Variants in SPIDR observed in about 807,000 individuals in gnomAD.
SPIDR encodes DNA repair-scaffolding protein.
SPIDR carries 93 observed loss-of-function variants against 104.6 expected under a neutral mutation model. The observed-to-expected ratio is 0.89, with a 90% confidence interval of 0.75 to 1.06. SPIDR has a LOEUF of 1.06. SPIDR is among the 50% of genes least tolerant of loss of function. The probability of loss-of-function intolerance (pLI) is 0.00; values close to 1 mark genes in which losing one functional copy is unlikely to be tolerated. For synonymous variants in SPIDR, 431 were observed against 416.9 expected (o/e 1.03, Z -0.41); for missense variants, 1,154 against 1,111.2 (o/e 1.04, Z -0.55).
intron 8 of SPIDR, among the ~76,000 whole-genome samples, chr8:47,485,954 T>G (rs1276699698): frequency 6.6e-6 from 1 of 152,150 alleles, no homozygotes; most frequent in African/African-American, 2.4e-5. Flanking sequence ...TGTCCCCCTC[T>G]AAAGGAATGC....
chr8:47,306,769 G>A (rs1396225658), intron 5 of SPIDR, among the ~76,000 whole-genome samples: 1 of 152,004 alleles, frequency 6.6e-6, no homozygotes, highest in African/African-American at 2.4e-5. Context: ...TATTTTTGAG[G>A]TCTTTTAATT....
Position 47,303,159 on chromosome 8 carries a change from G to C in SPIDR, c.525+9129G>C, listed in dbSNP as rs1025478502. Reference sequence around the variant, plus strand: ...CTTGGCAATGGTGGCTGCCCCTCCCGCAGCCTGGCTGCTGCCTTGCAGTTT... The same window carrying C: ...CTTGGCAATGGTGGCTGCCCCTCCCCCAGCCTGGCTGCTGCCTTGCAGTTT... On this transcript the variant is annotated intron_variant, in intron 5 of 19. Transcript: ENST00000297423. Among the ~76,000 whole-genome samples, 8 of 152,284 alleles carry C rather than the reference G, an allele frequency of 5.3e-5. No homozygotes were observed. The East Asian group carries it at 1.2e-3, about 22-fold the overall frequency.
At position 47,547,700 on chromosome 8, in the gene SPIDR, G is replaced by C. The variant is rs560792936; in HGVS notation, c.1098-48111G>C. The C allele has an allele frequency of 1.0e-3, 166 of 161,066 alleles. 3 individuals carry two copies. The highest frequency in any genetic ancestry group is 1.7e-3 in the African/African-American group (70 of 41,594). The allele number at this position is 161,066 out of a possible 1,614,324, so 10.0% of individuals were successfully genotyped here. On this transcript the variant is annotated intron_variant, in intron 8 of 19. Transcript: ENST00000297423. ...CCCGCCTCAGCCTCCCAAAGTACTGGGATTACAGGCATGAGCTGCCACGGT... is the reference window on the plus strand; with the variant it reads ...CCCGCCTCAGCCTCCCAAAGTACTGCGATTACAGGCATGAGCTGCCACGGT...
chr8:47,567,780 C>CTTTTTTTTTTTTTT (rs35199139), intron 8 of SPIDR, among the ~76,000 whole-genome samples: 2 of 71,000 alleles, frequency 2.8e-5, no homozygotes, highest in African/African-American at 5.9e-5. Context: ...TTTTCTTTTT[C>CTTTTTTTTTTTTTT]TTTTTTTTTT....
At chr8:47,513,457 A>G (rs1196582027) in intron 8 of SPIDR, among the ~76,000 whole-genome samples, 2 of 152,362 alleles carry the variant, frequency 1.3e-5, no homozygotes, top group African/African-American at 4.8e-5. Context: ...TAAAAAAACA[A>G]CTTGATGTCT....
At chr8:47,722,259 G>A (rs72646387) in intron 16 of SPIDR, among the ~76,000 whole-genome samples, 4 of 152,274 alleles carry the variant, frequency 2.6e-5, no homozygotes, top group Non-Finnish European at 5.9e-5. Flanking sequence ...AGTAGTTCCA[G>A]TGGTCTTTTG....
At chr8:47,323,607 A>G (rs1170171136) in intron 5 of SPIDR, among the ~76,000 whole-genome samples, 1 of 152,036 alleles carries the variant, frequency 6.6e-6, no homozygotes, top group Non-Finnish European at 1.5e-5. Flanking sequence ...TTTTTTTTAG[A>G]TCCAATTGGT....
intron 10 of SPIDR, among the ~76,000 whole-genome samples, chr8:47,655,780 T>G (rs889247824): frequency 1.3e-5 from 2 of 152,220 alleles, no homozygotes; most frequent in South Asian, 2.1e-4. Flanking sequence ...TTTTGGTGTT[T>G]TAGACATGAA....
intron 8 of SPIDR, among the ~76,000 whole-genome samples, chr8:47,486,080 A>T (rs1363646414): frequency 6.6e-6 from 1 of 152,234 alleles, no homozygotes; most frequent in East Asian, 1.9e-4. Context: ...GTTTGAACCC[A>T]TCGCAAAGCA....
chr8:47,578,489 A>G (rs760743671), intron 8 of SPIDR, among the ~76,000 whole-genome samples: 1 of 152,082 alleles, frequency 6.6e-6, no homozygotes, highest in Non-Finnish European at 1.5e-5. Flanking sequence ...AAATAATAAT[A>G]ATAATCAAAT....
intron 5 of SPIDR, among the ~76,000 whole-genome samples, chr8:47,298,931 A>G (rs1417581432): frequency 2.0e-5 from 3 of 152,176 alleles, no homozygotes; most frequent in Non-Finnish European, 2.9e-5. Flanking sequence ...TGACTTGGCA[A>G]TGCAGGCTCC....
intron 8 of SPIDR, among the ~76,000 whole-genome samples, chr8:47,585,804 C>T (rs1263662034): frequency 6.6e-6 from 1 of 152,162 alleles, no homozygotes; most frequent in Non-Finnish European, 1.5e-5. Flanking sequence ...GCCAATCCCA[C>T]TCCCATGATA....
At chr8:47,279,728 A>G in intron 1 of SPIDR, 134 bp from the exon 2 acceptor site, 1 of 816,778 alleles carries the variant, frequency 1.2e-6, no homozygotes, top group Non-Finnish European at 1.9e-6. Flanking sequence ...GAAGATTTAG[A>G]GACATTCAAA....
At chr8:47,373,368 G>T (rs1424101566) in intron 5 of SPIDR, among the ~76,000 whole-genome samples, 1 of 152,152 alleles carries the variant, frequency 6.6e-6, no homozygotes, top group African/African-American at 2.4e-5. Context: ...GGAGAAAATT[G>T]GGCATATGGT....
chr8:47,290,763 G>C (rs1000215195), intron 3 of SPIDR, among the ~76,000 whole-genome samples: 3 of 152,056 alleles, frequency 2.0e-5, no homozygotes, highest in African/African-American at 7.2e-5. Context: ...TATTTTTCCG[G>C]TTTTCATTTG....
At chr8:47,295,122 A>G (rs2040605412) in intron 5 of SPIDR, among the ~76,000 whole-genome samples, 1 of 151,932 alleles carries the variant, frequency 6.6e-6, no homozygotes, top group Admixed American at 6.6e-5. Context: ...CTGACATTGT[A>G]TTTTTCATTT....
intron 8 of SPIDR, among the ~76,000 whole-genome samples, chr8:47,490,783 G>A (rs1554738708): frequency 6.6e-6 from 1 of 152,186 alleles, no homozygotes; most frequent in Admixed American, 6.5e-5. Context: ...ACTCATAGGT[G>A]AGAATTGGAA....
rs187158564 is a variant in SPIDR, at chr8:47,475,141, A to G, written c.1097+34599A>G. 1.7e-3 allele frequency among the ~76,000 whole-genome samples: 254 copies of G among 152,320 alleles called. 1 individual carries two copies. Among genetic ancestry groups the G allele is most frequent in the African/African-American group, 5.9e-3 (245 of 41,574 alleles). On this transcript the variant is annotated intron_variant, in intron 8 of 19. Coordinates refer to ENST00000297423, the MANE Select transcript of SPIDR (RefSeq NM_001080394.4). ...GGAAAGGAAGCTTTTTATTTGTACC[A>G]CTTGAAACAGCAATATTGTCCTCAC...
intron 8 of SPIDR, among the ~76,000 whole-genome samples, chr8:47,573,386 A>T (rs79206680): frequency 6.6e-6 from 1 of 152,210 alleles, no homozygotes; most frequent in African/African-American, 2.4e-5. Flanking sequence ...GGCAGGGCAC[A>T]CTCAGTAGTC....
Sources: allele counts gnomAD v4.1 joint callset (sites outside exome capture counted in the v4.1 genomes callset), GRCh38; gene constraint gnomAD v4.1.1; transcripts MANE v1.5; gene names NCBI Gene and HGNC (gene_info 2026-07-23, HGNC 2026-07-21).